Variants in HDAC6 observed in about 807,000 individuals in gnomAD.
HDAC6 encodes histone deacetylase 6.
A neutral mutation model predicts 88.9 loss-of-function variants in HDAC6; 5 were observed. The ratio of observed to expected loss-of-function variants is 0.06; its 90% CI spans 0.03 to 0.12. The LOEUF is 0.12. Among genes scored for constraint, HDAC6 ranks in the 10% least tolerant of loss-of-function variants. The pLI, the probability that HDAC6 is intolerant of heterozygous loss-of-function variation, is 1.00. For synonymous variants in HDAC6, 378 were observed against 398.0 expected, an observed-to-expected ratio of 0.95 and a Z score of 0.60; for missense variants, 706 against 1,014.4, an observed-to-expected ratio of 0.70 and a Z score of 4.13.
At position 48,815,599 on chromosome X, in the gene HDAC6, T is replaced by C; in HGVS notation, c.1281T>C (p.Ala427=). 5.0e-6 allele frequency: 6 copies of C among 1,211,011 alleles called. No individual in the cohort carries two copies. The highest frequency in any genetic ancestry group is 6.7e-6 in the Non-Finnish European group (6 of 894,852). ...CRSAQASVSC[A]LEALEPFWEV... ...GTGCCCAGGCTTCAGTTTCCTGTGC[T>C]CTGGAAGCCCTTGAGCCCTTCTGGG... The change falls in exon 16 of 29, where the codon GCT becomes GCC. Residue 427 remains alanine (A), a synonymous_variant. Coordinates refer to ENST00000334136, the MANE Select transcript of HDAC6 (RefSeq NM_006044.4).
intron 6 of HDAC6, 64 bp from the exon 7 acceptor site, chrX:48,806,304 G>A: frequency 1.4e-6 from 1 of 697,951 alleles, no homozygotes; most frequent in Non-Finnish European, 2.3e-6. Flanking sequence ...CAGGGGGTTG[G>A]TGTATGGACA....
At position 48,806,393 on chromosome X, in the gene HDAC6, A is replaced by G. The variant is rs199501353; in HGVS notation, c.463A>G (p.Thr155Ala). The change falls in exon 7 of 29, where the codon ACA (threonine) becomes GCA (alanine). Residue 155 changes from threonine (T) to alanine (A), a missense_variant. Physicochemically the swap from Thr to Ala is moderately conservative, Grantham distance 58 (BLOSUM62 0). Coordinates refer to ENST00000334136, the MANE Select transcript of HDAC6 (RefSeq NM_006044.4). ...HSLEYIDLME[T>A]TQYMNEGELR... is the part of the protein sequence containing the mutation. Reference sequence around the variant, plus strand: ...CCTAGAATATATTGATCTGATGGAAACAACCCAGTACATGAATGAGGGAGA... The same window carrying G: ...CCTAGAATATATTGATCTGATGGAAGCAACCCAGTACATGAATGAGGGAGA... 39 of 1,192,493 alleles carry G rather than the reference A, an allele frequency of 3.3e-5. No individual in the cohort carries two copies. The East Asian group carries it at 1.1e-3, about 33-fold the overall frequency.
In HDAC6 at chrX:48,823,689, G is replaced by T. The variant is rs1557031251; in HGVS notation, c.3207G>T (p.Gln1069His). 8.3e-7 allele frequency: 1 copy of T among 1,208,306 alleles called. No homozygotes were observed. The highest frequency in any genetic ancestry group is 2.2e-5 in the Admixed American group (1 of 45,807). The change falls in exon 26 of 29, where the codon CAG becomes CAT. Residue 1069 changes from glutamine to histidine, a missense_variant. Coordinates refer to ENST00000334136, the MANE Select transcript of HDAC6 (RefSeq NM_006044.4). ...GTGTCCAGGGGGCCTCAGAATCTCA[G>T]GCCCCAGGAGAGGAGAACCTACTAG... ...GSESQGASES[Q>H]APGEENLLGE...
intron 10 of HDAC6, among the ~76,000 whole-genome samples, chrX:48,809,791 G>A (rs1381949087): frequency 1.9e-5 from 2 of 106,821 alleles, no homozygotes; most frequent in African/African-American, 6.9e-5. Flanking sequence ...GATAGACTGA[G>A]ACCCCATCTA....
At chrX:48,808,189 G>T in intron 9 of HDAC6, 52 bp downstream of exon 9, 1 of 1,147,229 alleles carries the variant, frequency 8.7e-7, no homozygotes, top group African/African-American at 1.8e-5. Flanking sequence ...GGGGTGTCCT[G>T]GTCTGGGCTC....
chrX:48,818,126 G>C lies in HDAC6; in HGVS notation c.1994+17G>C, dbSNP rs1557028294. Reference sequence around the variant, plus strand: ...TGACCCCAGGTAAGGGCTGCAGTCAGGGGCCGCAGTGTGATCAGGGAGGCG... The same window carrying C: ...TGACCCCAGGTAAGGGCTGCAGTCACGGGCCGCAGTGTGATCAGGGAGGCG... On this transcript the variant is annotated intron_variant, in intron 21 of 28. Transcript: ENST00000334136. 1.8e-5 allele frequency: 21 copies of C among 1,188,347 alleles called. No homozygotes were observed. Among genetic ancestry groups the C allele is most frequent in the Non-Finnish European group, 2.3e-5 (20 of 882,110 alleles).
chrX:48,823,870 A>G (rs2063125642), intron 26 of HDAC6, 52 bp from the exon 27 acceptor site: 1 of 1,201,280 alleles, frequency 8.3e-7, no homozygotes, highest in South Asian at 1.8e-5. Context: ...GAATAAACAT[A>G]TAATGGGGAG....
chrX:48,819,147 G>A (rs1318200188), intron 22 of HDAC6, among the ~76,000 whole-genome samples: 2 of 112,396 alleles, frequency 1.8e-5, no homozygotes, highest in South Asian at 3.7e-4. Flanking sequence ...CAGCTCTTGT[G>A]GACATACCAG....
intron 8 of HDAC6, among the ~76,000 whole-genome samples, chrX:48,807,195 A>G (rs1273546333): frequency 8.9e-6 from 1 of 112,076 alleles, no homozygotes; most frequent in African/African-American, 3.2e-5. Context: ...CCTTCGTACC[A>G]TCTTTTCACT....
In HDAC6 at chrX:48,807,980, G is replaced by A. The variant is rs797036445; in HGVS notation, c.633-53G>A. On this transcript the variant is annotated intron_variant, in intron 8 of 28. Coordinates refer to ENST00000334136, the MANE Select transcript of HDAC6 (RefSeq NM_006044.4). Reference sequence around the variant, plus strand: ...AGAGAGCAGGGGACAGTCTGTCTCTGCAGAGGAGGACCCCTCACATACTCC... The same window carrying A: ...AGAGAGCAGGGGACAGTCTGTCTCTACAGAGGAGGACCCCTCACATACTCC... 4.8e-6 allele frequency: 4 copies of A among 824,911 alleles called. No homozygotes were observed. In the South Asian group the frequency reaches 6.7e-5, roughly 14 times the overall value. The allele number at this position is 824,911 out of a possible 1,213,427, so 68.0% of individuals were successfully genotyped here.
chrX:48,815,499 C>CG lies in HDAC6; in HGVS notation c.1256+11dup. ...GGTGCCCCCTGCCGGAGGTGAGCCC[C>CG]GGTGGAGGAGGGGAAAGCGGGAGCC... On this transcript the variant is annotated intron_variant, in intron 15 of 28. Coordinates refer to ENST00000334136, the MANE Select transcript of HDAC6 (RefSeq NM_006044.4). The CG allele has an allele frequency of 8.3e-7, 1 of 1,200,079 alleles. No individual in the cohort carries two copies.
At position 48,823,977 on chromosome X, in the gene HDAC6, G is replaced by A; in HGVS notation, c.3359G>A (p.Cys1120Tyr). Reference sequence around the variant, plus strand: ...TGGTGTCCCCATTTGGTGGCAGTATGCCCCATACCTGCAGCAGGCCTAGAC... The same window carrying A: ...TGGTGTCCCCATTTGGTGGCAGTATACCCCATACCTGCAGCAGGCCTAGAC... ...LPWCPHLVAV[C>Y]PIPAAGLDVT... Residue 1120 changes from cysteine (C) to tyrosine (Y), a missense_variant, in exon 27 of 29, where the codon TGC becomes TAC. Around this residue, in one of 9 missense-constraint regions of HDAC6, gnomAD observed 112 missense variants for 95.1 expected, o/e 1.18. Coordinates refer to ENST00000334136, the MANE Select transcript of HDAC6 (RefSeq NM_006044.4). 3 of 1,211,161 alleles carry A rather than the reference G, an allele frequency of 2.5e-6. No homozygotes were observed. Among genetic ancestry groups the A allele is most frequent in the Non-Finnish European group, 3.4e-6 (3 of 894,818 alleles).
intron 28 of HDAC6, 58 bp from the exon 29 acceptor site, chrX:48,824,486 G>A (rs2063135914): frequency 8.9e-7 from 1 of 1,120,317 alleles, no homozygotes; most frequent in African/African-American, 1.8e-5. Flanking sequence ...CAGCCCTGCA[G>A]CCGAGGTAGA....
intron 19 of HDAC6, 126 bp downstream of exon 19, chrX:48,816,759 C>A: frequency 2.4e-5 from 2 of 81,703 alleles, no homozygotes; most frequent in Non-Finnish European, 4.2e-5. Flanking sequence ...GGGAGGGGCA[C>A]GGGAGGGGGT....
chrX:48,803,990 C>T (rs1166185279), intron 4 of HDAC6, among the ~76,000 whole-genome samples: 4 of 111,816 alleles, frequency 3.6e-5, no homozygotes, highest in Non-Finnish European at 7.5e-5. Flanking sequence ...CGATGAAACA[C>T]TGTCTCTACT....
chrX:48,822,188 A>G, intron 23 of HDAC6, among the ~76,000 whole-genome samples: 1 of 111,646 alleles, frequency 9.0e-6, no homozygotes, highest in East Asian at 2.8e-4. Flanking sequence ...TGTGCAGGTC[A>G]GGTCAGTGGT....
intron 8 of HDAC6, among the ~76,000 whole-genome samples, chrX:48,807,426 C>A (rs961783362): frequency 8.8e-6 from 1 of 113,031 alleles, no homozygotes; most frequent in African/African-American, 3.2e-5. Context: ...TTACTTCACC[C>A]TTTTTAAAAC....
At chrX:48,815,334 T>C (rs1557027198) in intron 14 of HDAC6, 50 bp from the exon 15 acceptor site, 2 of 854,281 alleles carry the variant, frequency 2.3e-6, no homozygotes, top group Non-Finnish European at 3.4e-6. Context: ...TATTATTCCC[T>C]GGTCATGTCT....
Position 48,802,689 on chromosome X carries a change from A to T in HDAC6, c.-4A>T. On this transcript the variant is annotated 5_prime_UTR_variant, in exon 2 of 29. Transcript: ENST00000334136. ...ACCGCGGCAGGGGCCAAGCCTCCTC[A>T]ACTATGACCTCAACCGGCCAGGATT... The T allele has an allele frequency of 8.3e-7, 1 of 1,204,096 alleles. No individual in the cohort carries two copies. The highest frequency in any genetic ancestry group is 1.1e-6 in the Non-Finnish European group (1 of 891,867).
Sources: gnomAD v4.1 joint callset for allele counts (sites outside exome capture counted in the v4.1 genomes callset) on GRCh38, gnomAD v4.1.1 for gene constraint, gnomAD v4.1.1 regional missense constraint, MANE v1.5 for transcripts, NCBI Gene and HGNC (gene_info 2026-07-23, HGNC 2026-07-21) for gene names.